Variants in MARCHF1 observed in about 807,000 individuals in gnomAD.
MARCHF1 encodes E3 ubiquitin-protein ligase MARCHF1.
In MARCHF1, 40 loss-of-function variants were observed where a neutral mutation model predicts 54.2. The ratio of observed to expected loss-of-function variants is 0.74; its 90% confidence interval spans 0.57 to 0.96. The LOEUF (loss-of-function observed/expected upper bound fraction) is 0.96, where lower values mean the gene tolerates loss of function less well. Ranked by LOEUF, MARCHF1 falls within the 40% of genes least tolerant of loss-of-function variation. The pLI is 0.00. For synonymous variants in MARCHF1, 236 were observed against 236.3 expected, an observed-to-expected ratio of 1.00 and a Z score of 0.01; for missense variants, 586 against 656.5, an observed-to-expected ratio of 0.89 and a Z score of 1.17.
In MARCHF1 at chr4:163,733,731, G is replaced by A. The variant is rs148948531; in HGVS notation, c.112-32868C>T. Among the ~76,000 whole-genome samples the A allele has an allele frequency of 1.3e-3, 204 of 152,024 alleles. 1 individual carries two copies. In the East Asian group the frequency reaches 0.035, roughly 26 times the overall value. ...TATACAACTTCTAAAAGAAAACATA[G>A]AAGAAATTTGTAACCTTGGGTTGGG... On this transcript the variant is annotated intron_variant, in intron 4 of 9. Transcript: ENST00000514618.
rs555402438 is a variant in MARCHF1 at position 164,332,645 on chromosome 4, A to G, written c.-323+51225T>C. ...AAATTTACTTTAGGGCTGGCCTTGA[A>G]CAGAGAAAAGGAGAGCCCTGATTTA... On this transcript the variant is annotated intron_variant, in intron 1 of 9. Coordinates refer to ENST00000514618, the MANE Select transcript of MARCHF1 (RefSeq NM_001394959.1). Among the ~76,000 whole-genome samples, 6 of 152,290 alleles carry G rather than the reference A, an allele frequency of 3.9e-5. No homozygotes were observed. The East Asian group carries it at 1.2e-3, about 29-fold the overall frequency.
At chr4:163,749,121 T>G (rs1472017250) in intron 4 of MARCHF1, among the ~76,000 whole-genome samples, 1 of 152,182 alleles carries the variant, frequency 6.6e-6, no homozygotes, top group Non-Finnish European at 1.5e-5. Context: ...ATCTTGTATC[T>G]TTTTATTAAA....
At chr4:163,851,769 AG>A (rs541672906) in intron 4 of MARCHF1, among the ~76,000 whole-genome samples, 3 of 152,156 alleles carry the variant, frequency 2.0e-5, no homozygotes, top group Non-Finnish European at 4.4e-5. Flanking sequence ...CTTGCATACA[AG>A]GTTGCTCCAT....
chr4:164,272,652 G>T (rs1404398672), intron 1 of MARCHF1, among the ~76,000 whole-genome samples: 1 of 151,696 alleles, frequency 6.6e-6, no homozygotes, highest in Admixed American at 6.6e-5. Flanking sequence ...AAGTAATTCT[G>T]AGTAGTTGAG....
At chr4:163,533,142 A>G (rs1001378171) in intron 9 of MARCHF1, among the ~76,000 whole-genome samples, 2 of 151,282 alleles carry the variant, frequency 1.3e-5, no homozygotes, top group Admixed American at 6.6e-5. Context: ...ACTGTGATAC[A>G]TCCATGTAAT....
chr4:164,177,789 AGT>A lies in MARCHF1; in HGVS notation c.-322-66129_-322-66128del, dbSNP rs1730726701. On this transcript the variant is annotated intron_variant, in intron 1 of 9. Coordinates refer to ENST00000514618, the MANE Select transcript of MARCHF1 (RefSeq NM_001394959.1). ...TCTCATCTCTCTCTCTCTCAATCTC[AGT>A]GTGTGTATGAAAGAGACACACACAC... Among the ~76,000 whole-genome samples the A allele has an allele frequency of 2.8e-5, 4 of 140,554 alleles. No homozygotes were observed. The South Asian group carries it at 9.6e-4, about 34-fold the overall frequency. 92.2% of individuals were successfully genotyped at this position (140,554 alleles called of 152,430 possible).
At chr4:164,321,290 A>T (rs1735137094) in intron 1 of MARCHF1, among the ~76,000 whole-genome samples, 1 of 152,192 alleles carries the variant, frequency 6.6e-6, no homozygotes, top group Non-Finnish European at 1.5e-5. Flanking sequence ...AAACAGCATT[A>T]AACAAAGTAA....
intron 2 of MARCHF1, among the ~76,000 whole-genome samples, chr4:164,053,243 A>T (rs1007779576): frequency 1.1e-4 from 16 of 151,924 alleles, no homozygotes; most frequent in Non-Finnish European, 1.3e-4. Context: ...GTTTTTTTTT[A>T]AAAAACAGTT....
intron 4 of MARCHF1, among the ~76,000 whole-genome samples, chr4:163,799,070 C>T (rs181471176): frequency 7.3e-4 from 111 of 151,612 alleles, no homozygotes; most frequent in African/African-American, 2.4e-3. Context: ...ATAATGACTG[C>T]CACACATGGC....
At chr4:164,265,553 A>T (rs1253677556) in intron 1 of MARCHF1, among the ~76,000 whole-genome samples, 2 of 148,876 alleles carry the variant, frequency 1.3e-5, no homozygotes, top group African/African-American at 5.1e-5. Context: ...AGAGATAAAC[A>T]TTTGATGGAA....
chr4:164,189,450 T>C (rs1476083793), intron 1 of MARCHF1: 7 of 702,826 alleles, frequency 1.0e-5, no homozygotes, highest in African/African-American at 1.8e-5. Flanking sequence ...ATATTGATGA[T>C]GTTGTTCTTG....
chr4:163,787,806 C>G (rs1285588095), intron 4 of MARCHF1, among the ~76,000 whole-genome samples: 2 of 151,792 alleles, frequency 1.3e-5, no homozygotes, highest in African/African-American at 4.8e-5. Context: ...TCACAATTGC[C>G]AAGAGATGTA....
chr4:164,316,655 A>T (rs1416621023), intron 1 of MARCHF1, among the ~76,000 whole-genome samples: 2 of 152,176 alleles, frequency 1.3e-5, no homozygotes, highest in African/African-American at 4.8e-5. Flanking sequence ...ATTTTTGTTT[A>T]AAAAATACTT....
chr4:163,969,252 C>T (rs1030675491), intron 3 of MARCHF1, among the ~76,000 whole-genome samples: 3 of 152,160 alleles, frequency 2.0e-5, no homozygotes, highest in Admixed American at 6.6e-5. Flanking sequence ...TTGTGCTAAG[C>T]TCAATATTTA....
At position 163,894,956 on chromosome 4, in the gene MARCHF1, T is replaced by C. The variant is rs536724186; in HGVS notation, c.-38-40787A>G. 4.7e-4 allele frequency among the ~76,000 whole-genome samples: 13 copies of C among 27,954 alleles called. 3 individuals are homozygous for C. Among genetic ancestry groups the C allele is most frequent in the African/African-American group, 2.7e-3 (13 of 4,874 alleles). The allele number at this position is 27,954 out of a possible 152,430, so 18.3% of individuals were successfully genotyped here. A position where few individuals can be genotyped will look rare whatever the true frequency, so the allele number is the denominator to read the frequency against. Reference sequence around the variant, plus strand: ...CATATATATATATGCATGTGATGCATATATATATATGCATGTGATGCACAC... The same window carrying C: ...CATATATATATATGCATGTGATGCACATATATATATGCATGTGATGCACAC... On this transcript the variant is annotated intron_variant, in intron 3 of 9. Coordinates refer to ENST00000514618, the MANE Select transcript of MARCHF1 (RefSeq NM_001394959.1).
chr4:163,715,151 C>A (rs1745219982), intron 4 of MARCHF1, among the ~76,000 whole-genome samples: 1 of 152,222 alleles, frequency 6.6e-6, no homozygotes, highest in African/African-American at 2.4e-5. Context: ...ATTATCAACT[C>A]TTCCATGTGG....
rs1013074977 is a variant in MARCHF1, at chr4:163,525,773, C to T, written c.*2975G>A. On this transcript the variant is annotated 3_prime_UTR_variant, in exon 10 of 10. Transcript: ENST00000514618. ...TAAACATGCCTCAAAATTTGCATTC[C>T]GTAGAGCAGTTTTTCTTTTTGAAGG... 1 of 151,772 alleles carries T rather than the reference C, an allele frequency of 6.6e-6. No homozygotes were observed. Among genetic ancestry groups the T allele is most frequent in the Admixed American group, 6.6e-5 (1 of 15,214 alleles). The allele number at this position is 151,772 out of a possible 1,614,324, so 9.4% of individuals were successfully genotyped here. A position where few individuals can be genotyped will look rare whatever the true frequency, so the allele number is the denominator to read the frequency against.
At chr4:164,056,888 G>C (rs1436414367) in intron 2 of MARCHF1, among the ~76,000 whole-genome samples, 2 of 152,124 alleles carry the variant, frequency 1.3e-5, no homozygotes, top group African/African-American at 2.4e-5. Flanking sequence ...AGGACAGGCA[G>C]GTTCTCAGCC....
chr4:164,111,213 G>A (rs1200446633), intron 2 of MARCHF1, among the ~76,000 whole-genome samples: 3 of 151,592 alleles, frequency 2.0e-5, no homozygotes, highest in Non-Finnish European at 4.4e-5. Flanking sequence ...CCTTCATAAA[G>A]CCAGTTTCCA....
Sources: gnomAD v4.1 joint callset for allele counts (sites outside exome capture counted in the v4.1 genomes callset) on GRCh38, gnomAD v4.1.1 for gene constraint, MANE v1.5 for transcripts, NCBI Gene and HGNC (gene_info 2026-07-23, HGNC 2026-07-21) for gene names.